Variants in ZDHHC19 observed in about 807,000 individuals in gnomAD.
The protein encoded by ZDHHC19 is palmitoyltransferase ZDHHC19.
ZDHHC19 carries 30 observed loss-of-function variants against 33.9 expected under a neutral mutation model. The observed-to-expected ratio is 0.88, with a 90% confidence interval of 0.66 to 1.20. The LOEUF (loss-of-function observed/expected upper bound fraction) is 1.20. Among genes scored for constraint, ZDHHC19 ranks in the 50% most tolerant of loss-of-function variants. The pLI is 0.00. For synonymous variants in ZDHHC19, 178 were observed against 167.6 expected (o/e 1.06, Z -0.48); for missense variants, 364 against 401.1 (o/e 0.91, Z 0.79).
chr3:196,208,575 G>A lies in ZDHHC19; in HGVS notation c.409-15C>T. On this transcript the variant is annotated splice_polypyrimidine_tract_variant and intron_variant, in intron 3 of 7. Transcript: ENST00000296326. ...TGGTCAAAGTCCTGGGCGACAGGGA[G>A]AGGGGCCAGGCTTGAGGACTTCTCC... The A allele has an allele frequency of 1.2e-6, 2 of 1,613,212 alleles. No individual in the cohort carries two copies. The highest frequency in any genetic ancestry group is 1.7e-6 in the Non-Finnish European group (2 of 1,179,568).
chr3:196,209,342 G>A (rs1163820493), intron 3 of ZDHHC19, 34 bp downstream of exon 3: 3 of 1,566,936 alleles, frequency 1.9e-6, no homozygotes, highest in East Asian at 2.4e-5. Flanking sequence ...CAGATGTGGG[G>A]CGATGGCTGG....
intron 5 of ZDHHC19, among the ~76,000 whole-genome samples, chr3:196,201,432 A>G (rs1339610936): frequency 6.6e-6 from 1 of 150,740 alleles, no homozygotes; most frequent in Non-Finnish European, 1.5e-5. Flanking sequence ...AATGAAACCA[A>G]CAGCTCTTGG....
At chr3:196,198,239 A>C in intron 7 of ZDHHC19, 37 bp downstream of exon 7, 1 of 1,442,394 alleles carries the variant, frequency 6.9e-7, no homozygotes, top group South Asian at 1.7e-5. Context: ...CCCCCTCCCG[A>C]CACGCACAGA....
At position 196,200,404 on chromosome 3, in the gene ZDHHC19, G is replaced by T. The variant is rs1428188215; in HGVS notation, c.688-1530C>A. On this transcript the variant is annotated intron_variant, in intron 5 of 7. Transcript: ENST00000296326. ...GAGTCTTGCTCTGTCACCCAGGCTG[G>T]AGTGCAGTGGCGCGATCTCAGCTCA... 4.1e-5 allele frequency among the ~76,000 whole-genome samples: 6 copies of T among 146,230 alleles called. 1 individual carries two copies. In the South Asian group the frequency reaches 1.1e-3, roughly 26 times the overall value.
chr3:196,199,844 C>T (rs961771204), intron 5 of ZDHHC19, among the ~76,000 whole-genome samples: 4 of 151,880 alleles, frequency 2.6e-5, no homozygotes, highest in East Asian at 3.9e-4. Context: ...ACTCGGGAGG[C>T]TGAGACAGAA....
Position 196,207,485 on chromosome 3 carries a change from G to C in ZDHHC19, c.600C>G (p.Ser200=), listed in dbSNP as rs1213057576. The change falls in exon 5 of 8, where the codon TCC becomes TCG. Residue 200 remains serine (S), a synonymous_variant. Coordinates refer to ENST00000296326, the MANE Select transcript of ZDHHC19 (RefSeq NM_001039617.2). ...DKAIAIVVAV[S]AAGLLVPLSL... ...ACAGCGGCACCAGGAGGCCCGCGGCGGACACGGCCACCACGATGCTGCGCG... is the reference window on the plus strand; with the variant it reads ...ACAGCGGCACCAGGAGGCCCGCGGCCGACACGGCCACCACGATGCTGCGCG... 6.4e-7 allele frequency: 1 copy of C among 1,564,360 alleles called. No individual in the cohort carries two copies. Among genetic ancestry groups the C allele is most frequent in the Non-Finnish European group, 8.7e-7 (1 of 1,155,114 alleles).
chr3:196,208,198 CG>C (rs1722928876), intron 4 of ZDHHC19, among the ~76,000 whole-genome samples, 189 bp downstream of exon 4: 1 of 152,096 alleles, frequency 6.6e-6, no homozygotes, highest in South Asian at 2.1e-4. Flanking sequence ...CGCGCCGGCC[CG>C]GGGGAGGCTT....
intron 4 of ZDHHC19, 104 bp from the exon 5 acceptor site, chr3:196,207,607 C>T (rs1231578947): frequency 3.6e-6 from 1 of 279,958 alleles, no homozygotes; most frequent in African/African-American, 4.7e-5. Flanking sequence ...GCCCGCCCCT[C>T]AGGCCCGACT....
At chr3:196,207,908 G>A (rs1227208978) in intron 4 of ZDHHC19, among the ~76,000 whole-genome samples, 3 of 129,484 alleles carry the variant, frequency 2.3e-5, no homozygotes, top group Non-Finnish European at 4.9e-5. Context: ...TTTAGCACCC[G>A]CTCCGTGACC....
chr3:196,200,677 C>T (rs1364222444), intron 5 of ZDHHC19, among the ~76,000 whole-genome samples: 9 of 135,422 alleles, frequency 6.6e-5, no homozygotes, highest in Non-Finnish European at 4.7e-5. Context: ...TTTTTAGACG[C>T]AGTTTTGCTC....
In ZDHHC19 at chr3:196,201,222, A is replaced by G. The variant is rs1416071912; in HGVS notation, c.688-2348T>C. On this transcript the variant is annotated intron_variant, in intron 5 of 7. Transcript: ENST00000296326. The stretch of plus-strand genomic sequence containing the variant: ...CAAGTAGCTGGGATTACAGGCACCC[A>G]CCATCACGCCCAGCTAATTTTTGTA... 6.0e-5 allele frequency among the ~76,000 whole-genome samples: 9 copies of G among 151,226 alleles called. 1 individual carries two copies. The highest frequency in any genetic ancestry group is 1.7e-4 in the African/African-American group (7 of 40,864).
intron 3 of ZDHHC19, 155 bp downstream of exon 3, chr3:196,209,221 T>G: frequency 4.8e-6 from 5 of 1,050,732 alleles, no homozygotes; most frequent in Non-Finnish European, 6.8e-6. Flanking sequence ...GGAGAACACA[T>G]GAGTGACCAA....
chr3:196,208,273 G>T, intron 4 of ZDHHC19, 115 bp downstream of exon 4: 1 of 642,846 alleles, frequency 1.6e-6, no homozygotes, highest in Non-Finnish European at 2.2e-6. Context: ...CCTCGTCCCA[G>T]ACTGGTCCTC....
Position 196,211,176 on chromosome 3 carries a change from G to A in ZDHHC19, c.140C>T (p.Ala47Val). The A allele has an allele frequency of 6.2e-7, 1 of 1,614,200 alleles. No individual in the cohort carries two copies. Residue 47 changes from alanine (A) to valine (V), a missense_variant, in exon 1 of 8, where the codon GCA becomes GTA. Coordinates refer to ENST00000296326, the MANE Select transcript of ZDHHC19 (RefSeq NM_001039617.2). Reference protein sequence around the residue: ...LLVFFSGLFFAFPCRWLAQNG... With the variant: ...LLVFFSGLFFVFPCRWLAQNG... ...GCTTGCCTGGAAAACTCACGGGAAT[G>A]CGAAGAAGAGGCCACTGAAAAAGAC...
At position 196,197,924 on chromosome 3, in the gene ZDHHC19, T is replaced by C. The variant is rs573574763; in HGVS notation, c.*20-199A>G. Among the ~76,000 whole-genome samples, 1 of 152,140 alleles carries C rather than the reference T, an allele frequency of 6.6e-6. No homozygotes were observed. Among genetic ancestry groups the C allele is most frequent in the South Asian group, 2.1e-4 (1 of 4,824 alleles). On this transcript the variant is annotated intron_variant, in intron 7 of 7. Transcript: ENST00000296326. This position sits in a 1 kb window ranked among gnomAD's most constrained non-coding sequence, Gnocchi z 4.4. ...CATGTCTCACGGGGCTTCGAGTCAA[T>C]GTTTCCTTTAAATAAAAGAGTCTCC...
At chr3:196,205,851 G>T (rs959960289) in intron 5 of ZDHHC19, among the ~76,000 whole-genome samples, 2 of 152,008 alleles carry the variant, frequency 1.3e-5, no homozygotes, top group African/African-American at 2.4e-5. Flanking sequence ...GTAGAGACAG[G>T]GTTTCGCCAT....
rs1722536451 is a variant in ZDHHC19, at chr3:196,203,782, A to AGAGC, written c.687+3612_687+3615dup. 6.6e-6 allele frequency among the ~76,000 whole-genome samples: 1 copy of AGAGC among 152,230 alleles called. No homozygotes were observed. Among genetic ancestry groups the AGAGC allele is most frequent in the Admixed American group, 6.5e-5 (1 of 15,280 alleles). The stretch of plus-strand genomic sequence containing the variant: ...GCTGGGGAGGGTCCACATGCAGACC[A>AGAGC]GAGCGGGCTGATGAGGAAGGGCGGA... On this transcript the variant is annotated intron_variant, in intron 5 of 7. Transcript: ENST00000296326. This position sits in a 1 kb window ranked among gnomAD's most constrained non-coding sequence, Gnocchi z 4.3.
At chr3:196,208,277 G>T (rs1256485497) in intron 4 of ZDHHC19, 111 bp downstream of exon 4, 52 of 783,634 alleles carry the variant, frequency 6.6e-5, no homozygotes, top group Non-Finnish European at 8.7e-5. Flanking sequence ...GTCCCAGACT[G>T]GTCCTCCCAG....
chr3:196,201,230 G>A (rs762799167), intron 5 of ZDHHC19, among the ~76,000 whole-genome samples: 1 of 151,204 alleles, frequency 6.6e-6, no homozygotes, highest in Admixed American at 6.6e-5. Flanking sequence ...CCACCATCAC[G>A]CCCAGCTAAT....
Sources: allele counts gnomAD v4.1 joint callset (sites outside exome capture counted in the v4.1 genomes callset), GRCh38; gene constraint gnomAD v4.1.1; non-coding constraint Gnocchi (gnomAD v3.1); transcripts MANE v1.5; gene names NCBI Gene and HGNC (gene_info 2026-07-23, HGNC 2026-07-21).